Variants in CFAP69 observed in about 807,000 individuals in gnomAD.
The protein encoded by CFAP69 is cilia- and flagella-associated protein 69.
In CFAP69, 92 loss-of-function variants were observed where a neutral mutation model predicts 123.0. The observed-to-expected ratio is 0.75, with a 90% CI of 0.63 to 0.89. The LOEUF is 0.89. Ranked by LOEUF, CFAP69 falls within the 40% of genes least tolerant of loss-of-function variation. The pLI, the probability that CFAP69 is intolerant of heterozygous loss-of-function variation, is 0.00. For missense variants in CFAP69, 1,067 were observed against 1,096.9 expected (o/e 0.97, Z 0.39); for synonymous variants, 380 against 364.3 (o/e 1.04, Z -0.49).
intron 15 of CFAP69, among the ~76,000 whole-genome samples, chr7:90,291,081 G>A (rs1791116480): frequency 6.6e-6 from 1 of 152,074 alleles, no homozygotes; most frequent in Non-Finnish European, 1.5e-5. Flanking sequence ...CCGAAAGAGA[G>A]GGTTCTTGGA....
the CFAP69 span, chr7:90,317,193 C>G: frequency 6.6e-6 from 1 of 151,986 alleles, no homozygotes. Context: ...ATTAACTCAA[C>G]TTTTTACTCC....
intron 6 of CFAP69, among the ~76,000 whole-genome samples, chr7:90,270,631 C>G (rs1021265544): frequency 6.6e-6 from 1 of 151,894 alleles, no homozygotes; most frequent in Non-Finnish European, 1.5e-5. Flanking sequence ...ATCATATTTA[C>G]AAAGATAAGA....
In CFAP69 at chr7:90,282,922, A is replaced by G; in HGVS notation, c.1403A>G (p.His468Arg). 3 of 1,551,456 alleles carry G rather than the reference A, an allele frequency of 1.9e-6. No individual in the cohort carries two copies. The highest frequency in any genetic ancestry group is 1.3e-5 in the South Asian group (1 of 78,976). Reference sequence around the variant, plus strand: ...TTTTTCAGTCATGGTAACAGTTTTCATGGTACAGGTGGCCGAGGCAACAAG... The same window carrying G: ...TTTTTCAGTCATGGTAACAGTTTTCGTGGTACAGGTGGCCGAGGCAACAAG... Reference protein sequence around the residue: ...DPFFSHGNSFHGTGGRGNKFA... With the variant: ...DPFFSHGNSFRGTGGRGNKFA... The change falls in exon 13 of 23, where the codon CAT (histidine) becomes CGT (arginine). Residue 468 changes from histidine (H) to arginine (R), a missense_variant. His to Arg is a conservative substitution (Grantham distance 29, BLOSUM62 0). Coordinates refer to ENST00000389297, the MANE Select transcript of CFAP69 (RefSeq NM_001039706.3).
At chr7:90,279,363 G>A (rs1014771230) in intron 11 of CFAP69, among the ~76,000 whole-genome samples, 2 of 151,936 alleles carry the variant, frequency 1.3e-5, no homozygotes, top group African/African-American at 2.4e-5. Flanking sequence ...TTTATTATAC[G>A]TTTTATTATA....
chr7:90,264,035 G>A lies in CFAP69; in HGVS notation c.357-1266G>A, dbSNP rs554515890. On this transcript the variant is annotated intron_variant, in intron 4 of 22. Transcript: ENST00000389297. ...GAACCCAGAAGGCAGAGTTTGCAGT[G>A]AGCTGAGATCGTGCCACTGCACTCC... 1.3e-3 allele frequency among the ~76,000 whole-genome samples: 186 copies of A among 144,812 alleles called. 1 individual carries two copies. The highest frequency in any genetic ancestry group is 2.4e-3 in the Non-Finnish European group (159 of 66,738).
At chr7:90,313,831 G>A (rs1261770039), downstream of CFAP69, among the ~76,000 whole-genome samples, 2 of 152,130 alleles carry the variant, frequency 1.3e-5, no homozygotes, top group Non-Finnish European at 1.5e-5. Context: ...TCAAGTATGG[G>A]TTATGCTTAG....
rs552183644 is a variant in CFAP69 at position 90,297,524 on chromosome 7, G to C, written c.1776-225G>C. 2.7e-3 allele frequency among the ~76,000 whole-genome samples: 409 copies of C among 152,300 alleles called. 6 individuals carry two copies. The highest frequency in any genetic ancestry group is 2.1e-3 in the Non-Finnish European group (146 of 68,030). ...ATGTTTTATTTGTAGGAAAGAAATA[G>C]GCAGTTATGGAAAAGAATGGATATT... On this transcript the variant is annotated intron_variant, in intron 15 of 22. Coordinates refer to ENST00000389297, the MANE Select transcript of CFAP69 (RefSeq NM_001039706.3).
At chr7:90,308,584 G>A (rs975070916) in intron 21 of CFAP69, among the ~76,000 whole-genome samples, 1 of 152,100 alleles carries the variant, frequency 6.6e-6, no homozygotes, top group Non-Finnish European at 1.5e-5. Flanking sequence ...ACAAGACGGT[G>A]GAACCATATT....
chr7:90,298,435 C>G (rs192062558), intron 16 of CFAP69, among the ~76,000 whole-genome samples: 3 of 152,194 alleles, frequency 2.0e-5, no homozygotes, highest in Admixed American at 6.5e-5. Flanking sequence ...TGGGAGGAAA[C>G]GTACAATTTT....
chr7:90,260,376 C>T (rs1798163221), intron 3 of CFAP69, among the ~76,000 whole-genome samples: 1 of 151,786 alleles, frequency 6.6e-6, no homozygotes, highest in African/African-American at 2.4e-5. Context: ...AAAAAATAGC[C>T]ATGTATGGCG....
chr7:90,268,108 A>G (rs1799414661), intron 5 of CFAP69, among the ~76,000 whole-genome samples, 178 bp from the exon 6 acceptor site: 1 of 152,176 alleles, frequency 6.6e-6, no homozygotes, highest in South Asian at 2.1e-4. Context: ...GGTACTGTTT[A>G]TATGTATGTA....
intron 12 of CFAP69, among the ~76,000 whole-genome samples, chr7:90,282,415 C>G (rs1789627566): frequency 6.6e-6 from 1 of 152,122 alleles, no homozygotes; most frequent in Non-Finnish European, 1.5e-5. Flanking sequence ...AACAATTTAG[C>G]ACCTTTAGTA....
intron 13 of CFAP69, among the ~76,000 whole-genome samples, chr7:90,284,042 C>T (rs1161501994): frequency 6.6e-6 from 1 of 152,126 alleles, no homozygotes; most frequent in Non-Finnish European, 1.5e-5. Context: ...GCACAAAACT[C>T]AGTCTAACTA....
At chr7:90,310,016 T>A in intron 22 of CFAP69, 52 bp from the exon 23 acceptor site, 1 of 1,453,498 alleles carries the variant, frequency 6.9e-7, no homozygotes, top group Non-Finnish European at 9.4e-7. Flanking sequence ...GTTTTTCTCT[T>A]GTTGAAAATT....
rs1272699084 is a variant in CFAP69 at position 90,307,650 on chromosome 7, G to A, written c.2464-118G>A. 4 of 574,084 alleles carry A rather than the reference G, an allele frequency of 7.0e-6. No individual in the cohort carries two copies. In the East Asian group the frequency reaches 9.2e-5, roughly 13 times the overall value. The allele number at this position is 574,084 out of a possible 1,614,324, so 35.6% of individuals were successfully genotyped here. A position where few individuals can be genotyped will look rare whatever the true frequency, so the allele number is the denominator to read the frequency against. On this transcript the variant is annotated intron_variant, in intron 20 of 22. Transcript: ENST00000389297. The stretch of plus-strand genomic sequence containing the variant: ...TTCTACAGTCTTAAATTTTTAAAAG[G>A]CAGAGAGATACTTGAGACATGCCAC...
intron 2 of CFAP69, among the ~76,000 whole-genome samples, chr7:90,257,259 A>G (rs991847247): frequency 6.6e-6 from 1 of 152,152 alleles, no homozygotes; most frequent in African/African-American, 2.4e-5. Flanking sequence ...TTTTATATTA[A>G]CCTGGTTTTG....
the CFAP69 span, chr7:90,316,810 T>C: frequency 6.6e-6 from 1 of 152,176 alleles, no homozygotes; most frequent in East Asian, 1.9e-4. Context: ...CATTTTGCCA[T>C]TAACTGGAAG....
At chr7:90,247,827 G>C (rs558248020) in intron 1 of CFAP69, among the ~76,000 whole-genome samples, 1 of 152,196 alleles carries the variant, frequency 6.6e-6, no homozygotes, top group African/African-American at 2.4e-5. Flanking sequence ...CCTGGCGACA[G>C]AGTGAGCCTC....
intron 4 of CFAP69, among the ~76,000 whole-genome samples, chr7:90,262,782 C>T (rs565861297): frequency 3.2e-4 from 49 of 151,780 alleles, no homozygotes; most frequent in Non-Finnish European, 5.9e-4. Flanking sequence ...TTTTAATATA[C>T]AAATAATATA....
Sources: allele counts gnomAD v4.1 joint callset (sites outside exome capture counted in the v4.1 genomes callset), GRCh38; gene constraint gnomAD v4.1.1; transcripts MANE v1.5; gene names NCBI Gene and HGNC (gene_info 2026-07-23, HGNC 2026-07-21).